Variants in SPAG16 observed in about 807,000 individuals in gnomAD.
The protein encoded by SPAG16 is sperm associated antigen 16, also known as sperm-associated antigen 16 protein.
In SPAG16, 86 loss-of-function variants were observed where a neutral mutation model predicts 80.4. That is an observed-to-expected ratio of 1.07 (90% CI 0.90 to 1.28). The LOEUF (loss-of-function observed/expected upper bound fraction) is 1.28. SPAG16 is among the 50% of genes most tolerant of loss of function. The pLI is 0.00. For synonymous variants in SPAG16, 294 were observed against 265.9 expected, an observed-to-expected ratio of 1.11 and a Z score of -1.03; for missense variants, 870 against 765.3, an observed-to-expected ratio of 1.14 and a Z score of -1.61.
At chr2:213,496,755 T>C (rs1372373596) in intron 10 of SPAG16, among the ~76,000 whole-genome samples, 1 of 150,848 alleles carries the variant, frequency 6.6e-6, no homozygotes, top group Non-Finnish European at 1.5e-5. Flanking sequence ...TATATATCCA[T>C]ATATAAACTA....
intron 10 of SPAG16, among the ~76,000 whole-genome samples, chr2:213,850,598 T>C (rs1484126554): frequency 6.6e-6 from 1 of 152,164 alleles, no homozygotes; most frequent in Non-Finnish European, 1.5e-5. Flanking sequence ...GGAATGAAGG[T>C]CTTTAAGGAA....
At chr2:214,269,880 C>A (rs1691868479) in intron 15 of SPAG16, among the ~76,000 whole-genome samples, 1 of 152,062 alleles carries the variant, frequency 6.6e-6, no homozygotes, top group African/African-American at 2.4e-5. Context: ...CTCTATTTAT[C>A]TTTAAAATTG....
intron 10 of SPAG16, among the ~76,000 whole-genome samples, chr2:213,545,602 T>A (rs1003169396): frequency 8.3e-6 from 1 of 120,216 alleles, no homozygotes; most frequent in Non-Finnish European, 1.8e-5. Context: ...TACTTTTACA[T>A]TGAAACGTGA....
At chr2:213,940,706 A>C (rs1458898529) in intron 12 of SPAG16, among the ~76,000 whole-genome samples, 1 of 152,188 alleles carries the variant, frequency 6.6e-6, no homozygotes, top group African/African-American at 2.4e-5. Flanking sequence ...GCAAAACTAT[A>C]ATCATAAATT....
At chr2:213,570,122 CTCTT>C (rs962932587) in intron 10 of SPAG16, among the ~76,000 whole-genome samples, 1 of 90,444 alleles carries the variant, frequency 1.1e-5, no homozygotes, top group Non-Finnish European at 2.1e-5. Flanking sequence ...TGATTCTTCT[CTCTT>C]TTTTTCTTTA....
chr2:214,118,588 G>A (rs2054058725), intron 14 of SPAG16, among the ~76,000 whole-genome samples: 1 of 152,058 alleles, frequency 6.6e-6, no homozygotes. Context: ...AGCAAAAGGG[G>A]GAAAAGCCCC....
At chr2:213,644,759 A>G (rs2062756268) in intron 10 of SPAG16, among the ~76,000 whole-genome samples, 1 of 152,130 alleles carries the variant, frequency 6.6e-6, no homozygotes, top group South Asian at 2.1e-4. Context: ...GAGTAACATA[A>G]GCACCACTGT....
At chr2:213,331,873 A>C (rs1444345690) in intron 5 of SPAG16, among the ~76,000 whole-genome samples, 4 of 152,206 alleles carry the variant, frequency 2.6e-5, no homozygotes, top group Non-Finnish European at 5.9e-5. Flanking sequence ...TATGGGATAC[A>C]GTGAAAGCAG....
chr2:214,068,012 T>C (rs1481142173), intron 13 of SPAG16, among the ~76,000 whole-genome samples: 1 of 152,162 alleles, frequency 6.6e-6, no homozygotes, highest in African/African-American at 2.4e-5. Context: ...GAGAAAACAC[T>C]GCATCTATAT....
intron 10 of SPAG16, among the ~76,000 whole-genome samples, chr2:213,560,171 TAGA>T: frequency 6.6e-6 from 1 of 152,158 alleles, no homozygotes; most frequent in East Asian, 1.9e-4. Context: ...GAAGCCTCCA[TAGA>T]AGAAAAGGAA....
intron 9 of SPAG16, among the ~76,000 whole-genome samples, chr2:213,390,678 G>A (rs201148118): frequency 1.6e-3 from 244 of 152,258 alleles, no homozygotes; most frequent in African/African-American, 5.7e-3. Context: ...TGCTCAGGCA[G>A]CAGCTGGTTT....
At chr2:213,338,086 C>G (rs2064472901) in intron 5 of SPAG16, among the ~76,000 whole-genome samples, 1 of 152,116 alleles carries the variant, frequency 6.6e-6, no homozygotes, top group African/African-American at 2.4e-5. Flanking sequence ...AAAAGAATTT[C>G]CAACCTAGAG....
chr2:214,009,609 G>A (rs1221731882), intron 12 of SPAG16, among the ~76,000 whole-genome samples: 2 of 152,294 alleles, frequency 1.3e-5, no homozygotes, highest in Admixed American at 6.5e-5. Context: ...AATGAGGGTC[G>A]TGAGGGAGGC....
rs540346039 is a variant in SPAG16, at chr2:213,833,227, T to G, written c.1071-29258T>G. ...GCTTCAAATACTGTTTTCTTTGTCT[T>G]GTAGACTGTAAATGCTATTGTTGCA... On this transcript the variant is annotated intron_variant, in intron 10 of 15. Coordinates refer to ENST00000331683, the MANE Select transcript of SPAG16 (RefSeq NM_024532.5). 6.7e-5 allele frequency among the ~76,000 whole-genome samples: 10 copies of G among 150,036 alleles called. No homozygotes were observed. In the South Asian group the frequency reaches 2.1e-3, roughly 31 times the overall value.
At chr2:213,356,726 G>A (rs960014691) in intron 7 of SPAG16, among the ~76,000 whole-genome samples, 2 of 152,014 alleles carry the variant, frequency 1.3e-5, no homozygotes, top group African/African-American at 4.8e-5. Context: ...TTTTTGAAGG[G>A]TGTTTTTGTG....
intron 12 of SPAG16, among the ~76,000 whole-genome samples, chr2:213,951,352 A>G (rs1258674377): frequency 1.3e-5 from 2 of 152,206 alleles, no homozygotes; most frequent in African/African-American, 4.8e-5. Flanking sequence ...AAATTTTAAA[A>G]TTCATCTAAG....
chr2:213,760,348 A>T (rs1292851168), intron 10 of SPAG16, among the ~76,000 whole-genome samples: 2 of 152,174 alleles, frequency 1.3e-5, no homozygotes, highest in Non-Finnish European at 2.9e-5. Flanking sequence ...CTATATTAAT[A>T]AAAGGTTTAA....
intron 15 of SPAG16, among the ~76,000 whole-genome samples, chr2:214,182,254 GTTTAT>G (rs2057332185): frequency 2.0e-5 from 3 of 151,650 alleles, no homozygotes; most frequent in African/African-American, 7.2e-5. Flanking sequence ...TTATCAGTTT[GTTTAT>G]TTTATTATTC....
intron 15 of SPAG16, among the ~76,000 whole-genome samples, chr2:214,210,291 A>G (rs59588246): frequency 0.018 from 2,689 of 152,268 alleles, 81 homozygotes; most frequent in African/African-American, 0.062. Flanking sequence ...GGATTTTTTC[A>G]ATAAGTTTAC....
Sources: gnomAD v4.1 joint callset for allele counts (sites outside exome capture counted in the v4.1 genomes callset) on GRCh38, gnomAD v4.1.1 for gene constraint, MANE v1.5 for transcripts, NCBI Gene and HGNC (gene_info 2026-07-23, HGNC 2026-07-21) for gene names.